Variants in AEN observed in about 807,000 individuals in gnomAD.
AEN encodes the protein apoptosis-enhancing nuclease.
A neutral mutation model predicts 17.7 loss-of-function variants in AEN; 21 were observed. That is an observed-to-expected ratio of 1.19 (90% CI 0.84 to 1.71). The LOEUF (loss-of-function observed/expected upper bound fraction) is 1.71, where lower values mean the gene tolerates loss of function less well. AEN is among the 40% of genes most tolerant of loss of function. The pLI is 0.00. For synonymous variants in AEN, 190 were observed against 173.0 expected (o/e 1.10, Z -0.77); for missense variants, 462 against 435.9 (o/e 1.06, Z -0.53).
chr15:88,629,465 G>A (rs773339603), intron 3 of AEN, 39 bp downstream of exon 3: 12 of 1,599,496 alleles, frequency 7.5e-6, no homozygotes, highest in Middle Eastern at 1.8e-4. Flanking sequence ...AGGGAGGCCC[G>A]CCTGGCCTCC....
At chr15:88,614,412 GCTGGTCTTAAACTC>G in the AEN span, among the ~76,000 whole-genome samples, 15 of 152,182 alleles carry the variant, frequency 9.9e-5, no homozygotes, top group Admixed American at 8.5e-4. Flanking sequence ...TGTTGCTCAG[GCTGGTCTTAAACTC>G]CTGGGCTCAG....
the AEN span, among the ~76,000 whole-genome samples, chr15:88,611,033 CT>C: frequency 2.6e-5 from 4 of 152,172 alleles, no homozygotes; most frequent in Admixed American, 2.6e-4. Context: ...ACCATTTCCC[CT>C]TTTCCTCTTC....
upstream of AEN, among the ~76,000 whole-genome samples, chr15:88,616,675 G>A (rs1277495768): frequency 6.6e-6 from 1 of 152,086 alleles, no homozygotes; most frequent in Non-Finnish European, 1.5e-5. Flanking sequence ...ACCTACAATG[G>A]CTCAATTTAA....
chr15:88,627,972 C>A (rs2057875992), intron 2 of AEN: 1 of 152,036 alleles, frequency 6.6e-6, no homozygotes, highest in African/African-American at 2.4e-5. Context: ...TATCTCGTGT[C>A]CTACTTTTTC....
chr15:88,626,727 C>T lies in AEN; in HGVS notation c.518C>T (p.Pro173Leu). 1 of 1,610,498 alleles carries T rather than the reference C, an allele frequency of 6.2e-7. No individual in the cohort carries two copies. Among genetic ancestry groups the T allele is most frequent in the Non-Finnish European group, 8.5e-7 (1 of 1,179,918 alleles). The part of the protein sequence containing the change: ...ITRQHMRKAV[P>L]FQVAQKEILK... ...CGGCAGCACATGCGCAAGGCTGTCC[C>T]CTTCCAGGTGGCCCAGAAAGAGGTA... The change falls in exon 2 of 4, where the codon CCC (proline) becomes CTC (leucine). Residue 173 changes from proline to leucine, a missense_variant. Transcript: ENST00000332810.
the AEN span, among the ~76,000 whole-genome samples, chr15:88,614,228 C>T: frequency 1.7e-3 from 252 of 152,220 alleles, 2 homozygotes; most frequent in African/African-American, 5.5e-3. Flanking sequence ...GAAATGGGGT[C>T]TGGCTTTGTC....
chr15:88,612,256 G>C, the AEN span, among the ~76,000 whole-genome samples: 1 of 152,206 alleles, frequency 6.6e-6, no homozygotes, highest in Non-Finnish European at 1.5e-5. Context: ...CTGGGGCTCA[G>C]GGCCTCATTG....
chr15:88,631,848 TG>T lies in AEN; in HGVS notation c.*1555del, dbSNP rs1437402314. 2.6e-5 allele frequency: 4 copies of T among 152,398 alleles called. No homozygotes were observed. Among genetic ancestry groups the T allele is most frequent in the Non-Finnish European group, 5.9e-5 (4 of 68,162 alleles). The allele number at this position is 152,398 out of a possible 1,614,324, so 9.4% of individuals were successfully genotyped here. A position where few individuals can be genotyped will look rare whatever the true frequency, so the allele number is the denominator to read the frequency against. ...TTCACGGATATCCGTGTGTCTTGTC[TG>T]TGGCCACCAGGCACAGGTTTGGCTT... On this transcript the variant is annotated 3_prime_UTR_variant, in exon 4 of 4. Coordinates refer to ENST00000332810, the MANE Select transcript of AEN (RefSeq NM_022767.4).
In AEN at chr15:88,630,268, A is replaced by G; in HGVS notation, c.952A>G (p.Arg318Gly). The G allele has an allele frequency of 6.3e-7, 1 of 1,587,752 alleles. No homozygotes were observed. Residue 318 changes from arginine to glycine, a missense_variant, in exon 4 of 4, where the codon AGG becomes GGG. By Grantham distance (125) the Arg-to-Gly change is moderately radical (BLOSUM62 -2). Coordinates refer to ENST00000332810, the MANE Select transcript of AEN (RefSeq NM_022767.4). The surrounding 1 kb of genome is among the most constrained non-coding windows in gnomAD (Gnocchi z 5.1). ...GGCCCACGGCAGCAGAGGAGGAGCC[A>G]GGGAGGCACAGGACAGAAGGAATTG... The part of the protein sequence containing the change: ...DLAHGSRGGA[R>G]EAQDRRN
In AEN at chr15:88,632,056, G is replaced by A. The variant is rs1360103013; in HGVS notation, c.*1762G>A. ...CCCTCCCTGTCAGCACAGCACAGAGGAAGGGGCTAACTGAATCTTTTACCA... is the reference window on the plus strand; with the variant it reads ...CCCTCCCTGTCAGCACAGCACAGAGAAAGGGGCTAACTGAATCTTTTACCA... On this transcript the variant is annotated 3_prime_UTR_variant, in exon 4 of 4. Transcript: ENST00000332810. 1 of 152,246 alleles carries A rather than the reference G, an allele frequency of 6.6e-6. No individual in the cohort carries two copies. Among genetic ancestry groups the A allele is most frequent in the African/African-American group, 2.4e-5 (1 of 41,450 alleles). 9.4% of individuals were successfully genotyped at this position (152,246 alleles called of 1,614,324 possible).
chr15:88,612,125 C>G, the AEN span, among the ~76,000 whole-genome samples: 18 of 152,142 alleles, frequency 1.2e-4, no homozygotes, highest in African/African-American at 4.3e-4. Flanking sequence ...TTTCAGGGAG[C>G]AGTGGACTGC....
chr15:88,629,651 C>T (rs1322278450), intron 3 of AEN, among the ~76,000 whole-genome samples: 1 of 152,198 alleles, frequency 6.6e-6, no homozygotes, highest in African/African-American at 2.4e-5. Flanking sequence ...TCTCCCAGAA[C>T]ACATTCTCCT....
At chr15:88,629,950 C>A in intron 3 of AEN, 108 bp from the exon 4 acceptor site, 1 of 974,530 alleles carries the variant, frequency 1.0e-6, no homozygotes, top group Non-Finnish European at 1.6e-6. Flanking sequence ...TCTGAGCATA[C>A]GTATTCTTGG....
chr15:88,608,352 G>A, the AEN span, among the ~76,000 whole-genome samples: 2 of 152,074 alleles, frequency 1.3e-5, no homozygotes, highest in Admixed American at 6.5e-5. Flanking sequence ...CTACCTATTC[G>A]CAGCTTACTT....
chr15:88,613,592 G>A, the AEN span, among the ~76,000 whole-genome samples: 10 of 151,756 alleles, frequency 6.6e-5, no homozygotes, highest in East Asian at 1.9e-4. Context: ...ATCTCGGGGG[G>A]GGATGTGGGG....
chr15:88,621,981 C>T (rs560695069), intron 1 of AEN, among the ~76,000 whole-genome samples: 4 of 152,240 alleles, frequency 2.6e-5, no homozygotes, highest in African/African-American at 9.6e-5. Context: ...TTTGGGAAGC[C>T]CTTATCTAAT....
chr15:88,615,318 TA>T, the AEN span, among the ~76,000 whole-genome samples: 1 of 151,978 alleles, frequency 6.6e-6, no homozygotes, highest in Admixed American at 6.5e-5. Flanking sequence ...AGTCTTCCAT[TA>T]AAAAATTAGC....
chr15:88,618,182 T>C (rs1053405822), upstream of AEN, among the ~76,000 whole-genome samples: 14 of 152,234 alleles, frequency 9.2e-5, no homozygotes, highest in Non-Finnish European at 1.8e-4. Flanking sequence ...ATCATCCTTT[T>C]AAATAAAATC....
chr15:88,605,322 C>A, the AEN span, among the ~76,000 whole-genome samples: 3 of 152,164 alleles, frequency 2.0e-5, no homozygotes, highest in Non-Finnish European at 4.4e-5. This position sits in a 1 kb window ranked among gnomAD's most constrained non-coding sequence, Gnocchi z 7.6. Context: ...GCTCTCGCAA[C>A]CCAGCCGCCC....
Sources: gnomAD v4.1 joint callset for allele counts (sites outside exome capture counted in the v4.1 genomes callset) on GRCh38, gnomAD v4.1.1 for gene constraint, Gnocchi (gnomAD v3.1) non-coding constraint, MANE v1.5 for transcripts, NCBI Gene and HGNC (gene_info 2026-07-23, HGNC 2026-07-21) for gene names.